AGTR1: variants seen among roughly 807,000 people sequenced by gnomAD.
AGTR1 encodes angiotensin II receptor type 1.
AGTR1 carries 16 observed loss-of-function variants against 19.4 expected under a neutral mutation model. That is an observed-to-expected ratio of 0.82 (90% CI 0.56 to 1.25). The LOEUF (loss-of-function observed/expected upper bound fraction) is 1.25. Among genes scored for constraint, AGTR1 ranks in the 50% most tolerant of loss-of-function variants. The probability of loss-of-function intolerance (pLI) is 0.00; values close to 1 mark genes in which losing one functional copy is unlikely to be tolerated. For synonymous variants in AGTR1, 153 were observed against 154.9 expected, an observed-to-expected ratio of 0.99 and a Z score of 0.09; for missense variants, 373 against 431.9, an observed-to-expected ratio of 0.86 and a Z score of 1.21.
chr3:148,741,771 G>C lies in AGTR1; in HGVS notation c.736G>C (p.Val246Leu), dbSNP rs188281474. ...DDIFKIIMAIVLFFFFSWIPH... is the reference protein window; with the variant it reads ...DDIFKIIMAILLFFFFSWIPH... ...TATTTTTAAGATAATTATGGCAATT[G>C]TGCTTTTCTTTTTCTTTTCCTGGAT... is the stretch of plus-strand genomic sequence containing the variant. The change falls in exon 3 of 3, where the codon GTG (valine) becomes CTG (leucine). Residue 246 changes from valine to leucine, a missense_variant. By Grantham distance (32) the Val-to-Leu change is conservative. Transcript: ENST00000349243. 3 of 1,613,228 alleles carry C rather than the reference G, an allele frequency of 1.9e-6. No homozygotes were observed. Among genetic ancestry groups the C allele is most frequent in the Admixed American group, 3.3e-5 (2 of 60,022 alleles).
chr3:148,715,597 A>G (rs1485182038), intron 2 of AGTR1, among the ~76,000 whole-genome samples: 2 of 152,204 alleles, frequency 1.3e-5, no homozygotes. Flanking sequence ...AAACAATAGT[A>G]GCTCAATGCT....
In AGTR1 at chr3:148,742,931, C is replaced by A. The variant is rs530184828; in HGVS notation, c.*816C>A. 7.0e-4 allele frequency: 116 copies of A among 165,916 alleles called. No homozygotes were observed. Among genetic ancestry groups the A allele is most frequent in the African/African-American group, 2.7e-3 (113 of 41,456 alleles). 10.3% of individuals were successfully genotyped at this position (165,916 alleles called of 1,614,324 possible). On this transcript the variant is annotated 3_prime_UTR_variant, in exon 3 of 3. Transcript: ENST00000349243. ...CATATATGTATATGTATATCTATATCTCTAAACTGCTGTTAATTGATTAAA... is the reference window on the plus strand; with the variant it reads ...CATATATGTATATGTATATCTATATATCTAAACTGCTGTTAATTGATTAAA...
At chr3:148,712,962 G>A (rs191250934) in intron 2 of AGTR1, among the ~76,000 whole-genome samples, 101 of 152,144 alleles carry the variant, frequency 6.6e-4, no homozygotes, top group Admixed American at 2.3e-3. Flanking sequence ...AGTAGGAGGC[G>A]CCCCCTGGAC....
At chr3:148,728,465 G>A (rs374699713) in intron 2 of AGTR1, among the ~76,000 whole-genome samples, 1 of 152,186 alleles carries the variant, frequency 6.6e-6, no homozygotes, top group South Asian at 2.1e-4. Context: ...CTAAAGTTAT[G>A]AAGCTGAAAA....
chr3:148,707,245 A>G (rs1349214685), intron 1 of AGTR1, among the ~76,000 whole-genome samples: 7 of 152,070 alleles, frequency 4.6e-5, no homozygotes, highest in Non-Finnish European at 7.4e-5. Flanking sequence ...ATAGATATAC[A>G]TATTTATATG....
chr3:148,703,333 A>G (rs1307082478), intron 1 of AGTR1, among the ~76,000 whole-genome samples: 1 of 152,230 alleles, frequency 6.6e-6, no homozygotes, highest in Non-Finnish European at 1.5e-5. Flanking sequence ...GTCCAGACCC[A>G]TTGATTGCAT....
chr3:148,719,404 G>A (rs367587912), intron 2 of AGTR1, among the ~76,000 whole-genome samples: 5 of 152,194 alleles, frequency 3.3e-5, no homozygotes, highest in African/African-American at 9.6e-5. Flanking sequence ...GTCACAGTAA[G>A]AAGTCTGGAT....
At chr3:148,733,703 C>T (rs145966336) in intron 2 of AGTR1, among the ~76,000 whole-genome samples, 1 of 152,254 alleles carries the variant, frequency 6.6e-6, no homozygotes, top group East Asian at 1.9e-4. Flanking sequence ...GGCTGAGATA[C>T]TAATCCATTG....
Position 148,741,207 on chromosome 3 carries a change from A to G in AGTR1, c.172A>G (p.Lys58Glu), listed in dbSNP as rs1350271075. Reference sequence around the variant, plus strand: ...GGTGATAGTCATTTACTTTTATATGAAGCTGAAGACTGTGGCCAGTGTTTT... The same window carrying G: ...GGTGATAGTCATTTACTTTTATATGGAGCTGAAGACTGTGGCCAGTGTTTT... ...LVVIVIYFYM[K>E]LKTVASVFLL... The change falls in exon 3 of 3, where the codon AAG becomes GAG. Residue 58 changes from lysine to glutamate, a missense_variant. Transcript: ENST00000349243. 1 of 1,614,172 alleles carries G rather than the reference A, an allele frequency of 6.2e-7. No homozygotes were observed. Among genetic ancestry groups the G allele is most frequent in the South Asian group, 1.1e-5 (1 of 91,086 alleles).
Position 148,742,221 on chromosome 3 carries a change from G to A in AGTR1, c.*106G>A, listed in dbSNP as rs963439483. The stretch of plus-strand genomic sequence containing the variant: ...TGAGCATTAGCTACTTTTCAGAATT[G>A]AAGGAGAAAATGCATTATGTGGACT... On this transcript the variant is annotated 3_prime_UTR_variant, in exon 3 of 3. Transcript: ENST00000349243. 8.1e-6 allele frequency: 12 copies of A among 1,480,374 alleles called. No homozygotes were observed. The highest frequency in any genetic ancestry group is 1.4e-5 in the African/African-American group (1 of 71,768). 91.7% of individuals were successfully genotyped at this position (1,480,374 alleles called of 1,614,324 possible). A position where few individuals can be genotyped will look rare whatever the true frequency, so the allele number is the denominator to read the frequency against.
chr3:148,718,927 G>A (rs562201856), intron 2 of AGTR1, among the ~76,000 whole-genome samples: 21 of 152,258 alleles, frequency 1.4e-4, no homozygotes, highest in African/African-American at 4.1e-4. Context: ...ATTGATTTCC[G>A]TGTTTAAGAT....
At chr3:148,717,468 A>G (rs1281559634) in intron 2 of AGTR1, among the ~76,000 whole-genome samples, 3 of 152,172 alleles carry the variant, frequency 2.0e-5, no homozygotes, top group Non-Finnish European at 2.9e-5. Flanking sequence ...CACCAAATTC[A>G]CCAGAGTCTA....
intron 2 of AGTR1, among the ~76,000 whole-genome samples, chr3:148,709,807 G>A (rs762141431): frequency 2.0e-5 from 3 of 152,216 alleles, no homozygotes; most frequent in Non-Finnish European, 4.4e-5. Flanking sequence ...TATGTAAACA[G>A]CACTTCAGAG....
At chr3:148,698,845 A>G (rs1712144592) in intron 1 of AGTR1, among the ~76,000 whole-genome samples, 1 of 152,202 alleles carries the variant, frequency 6.6e-6, no homozygotes, top group Non-Finnish European at 1.5e-5. Context: ...GACTAAACAG[A>G]GCCTCTGGCA....
intron 2 of AGTR1, among the ~76,000 whole-genome samples, chr3:148,724,629 G>C (rs1053994802): frequency 1.3e-5 from 2 of 152,098 alleles, no homozygotes; most frequent in Non-Finnish European, 2.9e-5. Context: ...AGACATTTTT[G>C]TGACTTCCTG....
At chr3:148,736,305 C>A (rs1714568654) in intron 2 of AGTR1, among the ~76,000 whole-genome samples, 3 of 152,154 alleles carry the variant, frequency 2.0e-5, no homozygotes, top group Admixed American at 6.5e-5. Flanking sequence ...GACTTAGATT[C>A]CCACCTCACT....
chr3:148,718,551 A>G (rs1282093442), intron 2 of AGTR1, among the ~76,000 whole-genome samples: 3 of 152,224 alleles, frequency 2.0e-5, no homozygotes, highest in African/African-American at 7.2e-5. Flanking sequence ...TCCAACTTGC[A>G]GTATAGGCCA....
intron 2 of AGTR1, chr3:148,739,861 A>G: frequency 6.5e-6 from 8 of 1,231,900 alleles, no homozygotes; most frequent in Non-Finnish European, 6.1e-6. Context: ...CTGGTAGAGC[A>G]ATAGGATCTG....
At chr3:148,740,449 T>A (rs1714809849) in intron 2 of AGTR1, among the ~76,000 whole-genome samples, 1 of 152,206 alleles carries the variant, frequency 6.6e-6, no homozygotes, top group Non-Finnish European at 1.5e-5. Flanking sequence ...GACCAATTTG[T>A]CAGTCACCTA....
Sources: allele counts gnomAD v4.1 joint callset (sites outside exome capture counted in the v4.1 genomes callset), GRCh38; gene constraint gnomAD v4.1.1; transcripts MANE v1.5; gene names NCBI Gene and HGNC (gene_info 2026-07-23, HGNC 2026-07-21).